The following DIPK2A variants were observed in gnomAD, a reference collection of about 807,000 sequenced individuals.
The protein encoded by DIPK2A is Golgi Protein of 49 kDa.
In DIPK2A, 27 loss-of-function variants were observed where a neutral mutation model predicts 39.0. The ratio of observed to expected loss-of-function variants is 0.69; its 90% CI spans 0.51 to 0.96. The LOEUF (loss-of-function observed/expected upper bound fraction) is 0.96, where lower values mean the gene tolerates loss of function less well. DIPK2A is among the 40% of genes least tolerant of loss of function. The probability of loss-of-function intolerance (pLI) is 0.00; values close to 1 mark genes in which losing one functional copy is unlikely to be tolerated. For synonymous variants in DIPK2A, 298 were observed against 240.8 expected, an observed-to-expected ratio of 1.24 and a Z score of -2.20; for missense variants, 528 against 571.3, an observed-to-expected ratio of 0.92 and a Z score of 0.77.
At chr3:143,973,425 T>C in intron 1 of DIPK2A, 1 of 1,550,790 alleles carries the variant, frequency 6.4e-7, no homozygotes, top group Non-Finnish European at 8.7e-7. Flanking sequence ...CGTTCGCTCT[T>C]CCTTTTCTGG....
intron 1 of DIPK2A, among the ~76,000 whole-genome samples, chr3:143,977,428 T>G (rs956843350): frequency 5.3e-5 from 8 of 152,026 alleles, no homozygotes; most frequent in African/African-American, 1.7e-4. Context: ...TTTCAAGCCT[T>G]TCTTCCTACC....
intron 2 of DIPK2A, among the ~76,000 whole-genome samples, chr3:143,987,737 A>T (rs925608734): frequency 6.6e-6 from 1 of 151,660 alleles, no homozygotes; most frequent in African/African-American, 2.4e-5. Context: ...TATATATAAG[A>T]CTCTCTTCTG....
Position 143,992,155 on chromosome 3 carries a change from G to A in DIPK2A, c.*2314G>A, listed in dbSNP as rs780471017. ...ACTATCAGATATTTATTATATGGCA[G>A]CAATTTATATTTTTAATCATTGCCC... On this transcript the variant is annotated 3_prime_UTR_variant, in exon 3 of 3. Transcript: ENST00000315691. The A allele has an allele frequency of 6.6e-6, 1 of 152,550 alleles. No individual in the cohort carries two copies. Among genetic ancestry groups the A allele is most frequent in the Non-Finnish European group, 1.5e-5 (1 of 68,012 alleles). 9.4% of individuals were successfully genotyped at this position (152,550 alleles called of 1,614,324 possible).
Position 143,973,851 on chromosome 3 carries a change from A to G in DIPK2A, c.657+862A>G, listed in dbSNP as rs368996819. The G allele has an allele frequency of 3.6e-4, 182 of 498,672 alleles. 1 individual carries two copies. The East Asian group carries it at 5.8e-3, about 16-fold the overall frequency. The allele number at this position is 498,672 out of a possible 1,614,324, so 30.9% of individuals were successfully genotyped here. A position where few individuals can be genotyped will look rare whatever the true frequency, so the allele number is the denominator to read the frequency against. ...TTTAGGGGAATAGGATGGAATCTTT[A>G]CTGGTGACATCAAAAAGAGAACAAA... On this transcript the variant is annotated intron_variant, in intron 1 of 2. Coordinates refer to ENST00000315691, the MANE Select transcript of DIPK2A (RefSeq NM_173552.5).
chr3:143,984,840 G>C (rs868644140), intron 1 of DIPK2A, among the ~76,000 whole-genome samples: 4 of 152,130 alleles, frequency 2.6e-5, no homozygotes, highest in Admixed American at 6.5e-5. Context: ...GATGTGCTCA[G>C]AGTGGAGGTT....
chr3:143,976,581 AGAG>A (rs1559853377), intron 1 of DIPK2A, among the ~76,000 whole-genome samples: 81 of 148,702 alleles, frequency 5.4e-4, no homozygotes, highest in Middle Eastern at 3.4e-3. Flanking sequence ...AGAGAGAGAG[AGAG>A]ATGCTGTCTG....
At chr3:143,973,383 C>A in intron 1 of DIPK2A, 3 of 1,548,604 alleles carry the variant, frequency 1.9e-6, no homozygotes, top group Non-Finnish European at 2.6e-6. Context: ...GCCCTTGGAC[C>A]TTTCCTAGTT....
intron 1 of DIPK2A, among the ~76,000 whole-genome samples, chr3:143,983,985 A>G (rs2087863322): frequency 6.6e-6 from 1 of 152,228 alleles, no homozygotes; most frequent in African/African-American, 2.4e-5. Flanking sequence ...TGGTTTCTGT[A>G]TCAGCACTTG....
At chr3:143,978,660 C>CTATAGATATATATATCTA (rs2087779466) in intron 1 of DIPK2A, 3 of 76,048 alleles carry the variant, frequency 3.9e-5, no homozygotes, top group African/African-American at 1.5e-4. Flanking sequence ...ATATATATAT[C>CTATAGATATATATATCTA]TATATATAGA....
intron 2 of DIPK2A, among the ~76,000 whole-genome samples, chr3:143,986,652 G>T (rs1026328092): frequency 1.3e-5 from 2 of 151,538 alleles, no homozygotes; most frequent in Non-Finnish European, 2.9e-5. Context: ...TGAACCCCAG[G>T]GGGCGGAGCC....
rs1172955441 is a variant in DIPK2A, at chr3:143,991,415, A to T, written c.*1574A>T. 6.6e-6 allele frequency: 1 copy of T among 152,654 alleles called. No individual in the cohort carries two copies. Among genetic ancestry groups the T allele is most frequent in the Admixed American group, 6.5e-5 (1 of 15,290 alleles). 9.5% of individuals were successfully genotyped at this position (152,654 alleles called of 1,614,324 possible). A position where few individuals can be genotyped will look rare whatever the true frequency, so the allele number is the denominator to read the frequency against. On this transcript the variant is annotated 3_prime_UTR_variant, in exon 3 of 3. Transcript: ENST00000315691. The stretch of plus-strand genomic sequence containing the variant: ...CAATTATTATCAAATACTTCAATGT[A>T]GATATTTCTTAAGTTGAAATAGCAT...
chr3:143,983,542 G>A (rs1200922479), intron 1 of DIPK2A, among the ~76,000 whole-genome samples: 1 of 152,100 alleles, frequency 6.6e-6, no homozygotes, highest in African/African-American at 2.4e-5. Context: ...AGAATCTATG[G>A]GACACAGCTA....
chr3:143,975,514 A>G (rs1251884307), intron 1 of DIPK2A, among the ~76,000 whole-genome samples: 2 of 152,108 alleles, frequency 1.3e-5, no homozygotes, highest in African/African-American at 4.8e-5. Flanking sequence ...ATCAAGTACA[A>G]AAGTTGCTGT....
intron 1 of DIPK2A, chr3:143,973,277 A>G (rs1477372451): frequency 1.4e-6 from 2 of 1,442,338 alleles, no homozygotes; most frequent in South Asian, 2.5e-5. Context: ...AACACTCCCC[A>G]AAATGTCTCT....
chr3:143,975,251 A>G (rs2087712181), intron 1 of DIPK2A, among the ~76,000 whole-genome samples: 1 of 152,134 alleles, frequency 6.6e-6, no homozygotes, highest in Non-Finnish European at 1.5e-5. Context: ...AGCTGAGTAC[A>G]TACTGTGTAA....
intron 1 of DIPK2A, among the ~76,000 whole-genome samples, chr3:143,975,124 T>C (rs1352189877): frequency 6.6e-6 from 1 of 152,160 alleles, no homozygotes; most frequent in African/African-American, 2.4e-5. Context: ...AATTTGTTTT[T>C]AGTATGTGAT....
rs532663044 is a variant in DIPK2A at position 143,985,539 on chromosome 3, G to A, written c.658-4G>A. 68 of 1,610,062 alleles carry A rather than the reference G, an allele frequency of 4.2e-5. No homozygotes were observed. The South Asian group carries it at 7.3e-4, about 17-fold the overall frequency. The stretch of plus-strand genomic sequence containing the variant: ...CTTGTAATATTAAGATAATTCTTTT[G>A]TAGAGTTTTCCGTCTGATGAAGGTT... On this transcript the variant is annotated splice_polypyrimidine_tract_variant and splice_region_variant and intron_variant, in intron 1 of 2. Transcript: ENST00000315691.
intron 1 of DIPK2A, among the ~76,000 whole-genome samples, chr3:143,974,806 A>T (rs1177682395): frequency 6.6e-6 from 1 of 152,168 alleles, no homozygotes; most frequent in Non-Finnish European, 1.5e-5. Context: ...AAGTGTAGTC[A>T]TAGCATTGAA....
At chr3:143,983,407 T>C (rs1297606796) in intron 1 of DIPK2A, among the ~76,000 whole-genome samples, 2 of 152,090 alleles carry the variant, frequency 1.3e-5, no homozygotes, top group Non-Finnish European at 2.9e-5. Flanking sequence ...AGAAACTCAC[T>C]CAAAATTGCA....
Sources: gnomAD v4.1 joint callset for allele counts (sites outside exome capture counted in the v4.1 genomes callset) on GRCh38, gnomAD v4.1.1 for gene constraint, MANE v1.5 for transcripts, NCBI Gene and HGNC (gene_info 2026-07-23, HGNC 2026-07-21) for gene names.